CDH13: variants seen among roughly 807,000 people sequenced by gnomAD.
CDH13 encodes cadherin 13.
A neutral mutation model predicts 63.8 loss-of-function variants in CDH13; 24 were observed. The observed-to-expected ratio is 0.38, with a 90% CI of 0.27 to 0.53. CDH13 has a LOEUF of 0.53. Among genes scored for constraint, CDH13 ranks in the 20% least tolerant of loss-of-function variants. The pLI, the probability that CDH13 is intolerant of heterozygous loss-of-function variation, is 0.85. For synonymous variants in CDH13, 503 were observed against 355.3 expected, an observed-to-expected ratio of 1.42 and a Z score of -4.67; for missense variants, 1,049 against 903.1, an observed-to-expected ratio of 1.16 and a Z score of -2.07.
chr16:83,029,798 A>G (rs184010403), intron 2 of CDH13, among the ~76,000 whole-genome samples: 2 of 152,152 alleles, frequency 1.3e-5, no homozygotes, highest in Non-Finnish European at 2.9e-5. Flanking sequence ...GGTTGTGCTT[A>G]CTTTGTAAAA....
chr16:83,049,616 T>G (rs1013511941), intron 3 of CDH13, among the ~76,000 whole-genome samples: 7 of 152,204 alleles, frequency 4.6e-5, no homozygotes, highest in African/African-American at 1.7e-4. Context: ...ATTACAGGCG[T>G]GAATGACTGG....
chr16:82,844,229 G>T (rs775019184), intron 1 of CDH13, among the ~76,000 whole-genome samples: 1 of 152,308 alleles, frequency 6.6e-6, no homozygotes, highest in African/African-American at 2.4e-5. Flanking sequence ...AAGAGGCCAT[G>T]CTGCTGGCTT....
At chr16:82,627,172 C>T (rs1276398444) in intron 1 of CDH13, 35 bp downstream of exon 1, 4 of 1,569,632 alleles carry the variant, frequency 2.5e-6, no homozygotes, top group South Asian at 2.3e-5. Flanking sequence ...CGCTCTGCGC[C>T]CCGTTTCTGC....
chr16:83,760,374 G>T (rs1913865231), intron 11 of CDH13, among the ~76,000 whole-genome samples: 1 of 152,156 alleles, frequency 6.6e-6, no homozygotes, highest in Non-Finnish European at 1.5e-5. Flanking sequence ...CAACAGAAAT[G>T]TGTTCCCCAA....
intron 10 of CDH13, among the ~76,000 whole-genome samples, chr16:83,744,960 G>A (rs897892995): frequency 2.0e-4 from 30 of 152,294 alleles, no homozygotes; most frequent in African/African-American, 6.7e-4. Flanking sequence ...CAGAGATCCA[G>A]CCTGCGAATC....
intron 7 of CDH13, among the ~76,000 whole-genome samples, chr16:83,587,087 A>G (rs1007547860): frequency 6.6e-6 from 1 of 152,148 alleles, no homozygotes; most frequent in African/African-American, 2.4e-5. Context: ...AGAACTCTAA[A>G]CCAAAGTCAG....
At chr16:82,917,012 G>T (rs758602420) in intron 2 of CDH13, among the ~76,000 whole-genome samples, 2 of 152,222 alleles carry the variant, frequency 1.3e-5, no homozygotes, top group African/African-American at 2.4e-5. Context: ...CACTGTAAAA[G>T]TGATCGTTGA....
chr16:83,222,554 A>G (rs1301803757), intron 5 of CDH13, among the ~76,000 whole-genome samples: 2 of 152,208 alleles, frequency 1.3e-5, no homozygotes, highest in African/African-American at 2.4e-5. Flanking sequence ...AATGATGCAC[A>G]TATTACCTTG....
At chr16:82,748,145 T>C (rs1426671323) in intron 1 of CDH13, among the ~76,000 whole-genome samples, 1 of 152,162 alleles carries the variant, frequency 6.6e-6, no homozygotes, top group East Asian at 1.9e-4. Flanking sequence ...CTCCCTGGCA[T>C]TTCAGCATCA....
intron 2 of CDH13, among the ~76,000 whole-genome samples, chr16:82,944,918 A>G (rs1323119765): frequency 6.6e-6 from 1 of 152,212 alleles, no homozygotes; most frequent in African/African-American, 2.4e-5. Flanking sequence ...GTTAAGAGAA[A>G]TTTTAAAAAA....
intron 2 of CDH13, among the ~76,000 whole-genome samples, chr16:82,896,063 C>A (rs1045353653): frequency 6.6e-6 from 1 of 152,074 alleles, no homozygotes; most frequent in African/African-American, 2.4e-5. Context: ...TAAGGCATCA[C>A]CCTGTTTTAT....
At chr16:82,717,351 G>A (rs138378579) in intron 1 of CDH13, among the ~76,000 whole-genome samples, 3 of 150,596 alleles carry the variant, frequency 2.0e-5, no homozygotes, top group African/African-American at 7.4e-5. Flanking sequence ...CAGGAGAATC[G>A]CTTGAAACCA....
intron 5 of CDH13, among the ~76,000 whole-genome samples, chr16:83,341,780 A>G (rs957744731): frequency 6.6e-6 from 1 of 152,096 alleles, no homozygotes; most frequent in African/African-American, 2.4e-5. Context: ...TTGATCTTAT[A>G]CCATTCCCCA....
At chr16:83,385,482 A>T (rs765438236) in intron 6 of CDH13, among the ~76,000 whole-genome samples, 1 of 152,228 alleles carries the variant, frequency 6.6e-6, no homozygotes, top group Non-Finnish European at 1.5e-5. Flanking sequence ...TGCTGTAGTA[A>T]CAAGAAAATC....
chr16:82,855,442 A>C (rs746932552), intron 1 of CDH13, among the ~76,000 whole-genome samples: 3 of 152,198 alleles, frequency 2.0e-5, no homozygotes, highest in Non-Finnish European at 4.4e-5. Flanking sequence ...AGAATTAGCC[A>C]ATTGGAAGGT....
At chr16:82,992,525 T>G (rs150093237) in intron 2 of CDH13, among the ~76,000 whole-genome samples, 2 of 152,132 alleles carry the variant, frequency 1.3e-5, no homozygotes, top group African/African-American at 4.8e-5. Context: ...TTAGAGATAA[T>G]CTAACATTCT....
In CDH13 at chr16:83,430,372, C is replaced by G. The variant is rs190024460; in HGVS notation, c.782-56105C>G. 3.9e-5 allele frequency among the ~76,000 whole-genome samples: 6 copies of G among 152,276 alleles called. No individual in the cohort carries two copies. In the East Asian group the frequency reaches 9.6e-4, roughly 24 times the overall value. ...TGAAGAGGACTCCAAAGACAGAAAA[C>G]AGGGCATAAGGAAAATGAATAAATG... is the stretch of plus-strand genomic sequence containing the variant. On this transcript the variant is annotated intron_variant, in intron 6 of 13. Transcript: ENST00000567109.
chr16:82,920,822 T>C (rs2042131411), intron 2 of CDH13, among the ~76,000 whole-genome samples: 1 of 152,232 alleles, frequency 6.6e-6, no homozygotes, highest in African/African-American at 2.4e-5. Context: ...GGAAAGTATT[T>C]CATCTATTAA....
chr16:82,747,409 T>C (rs987136514), intron 1 of CDH13, among the ~76,000 whole-genome samples: 1 of 152,144 alleles, frequency 6.6e-6, no homozygotes, highest in Non-Finnish European at 1.5e-5. Flanking sequence ...CATATAGTTT[T>C]TAGGTATAAA....
Sources: allele counts gnomAD v4.1 joint callset (sites outside exome capture counted in the v4.1 genomes callset), GRCh38; gene constraint gnomAD v4.1.1; transcripts MANE v1.5; gene names NCBI Gene and HGNC (gene_info 2026-07-23, HGNC 2026-07-21).